The following MSRB3 variants were observed in gnomAD, a reference collection of about 807,000 sequenced individuals.
The protein encoded by MSRB3 is methionine sulfoxide reductase B3.
In MSRB3, 13 loss-of-function variants were observed where a neutral mutation model predicts 21.0. That is an observed-to-expected ratio of 0.62 (90% CI 0.40 to 0.98). MSRB3 has a LOEUF of 0.98. MSRB3 is among the 50% of genes least tolerant of loss of function. The pLI is 0.00. For missense variants in MSRB3, 199 were observed against 230.3 expected (o/e 0.86, Z 0.88); for synonymous variants, 87 against 88.6 (o/e 0.98, Z 0.10).
chr12:65,337,575 G>A (rs1425532951), intron 4 of MSRB3, among the ~76,000 whole-genome samples: 1 of 150,704 alleles, frequency 6.6e-6, no homozygotes, highest in Non-Finnish European at 1.5e-5. Context: ...TAACCCTACC[G>A]TATCGAAGGA....
intron 2 of MSRB3, chr12:65,316,052 C>T (rs188169031): frequency 6.6e-6 from 1 of 152,098 alleles, no homozygotes; most frequent in Non-Finnish European, 1.5e-5. Context: ...CAGCAAATTT[C>T]AGAGCTTCTC....
chr12:65,425,986 AGCT>A (rs1431752014), intron 5 of MSRB3, among the ~76,000 whole-genome samples: 1 of 152,072 alleles, frequency 6.6e-6, no homozygotes, highest in Non-Finnish European at 1.5e-5. Context: ...CCTCCTGAGT[AGCT>A]GGGACCACAG....
At chr12:65,331,083 C>A (rs536692904) in intron 4 of MSRB3, among the ~76,000 whole-genome samples, 1 of 152,142 alleles carries the variant, frequency 6.6e-6, no homozygotes. Context: ...AAGGTTTTGT[C>A]AAATCTACAT....
At chr12:65,442,443 A>AT (rs1011132600) in intron 5 of MSRB3, among the ~76,000 whole-genome samples, 1 of 152,008 alleles carries the variant, frequency 6.6e-6, no homozygotes, top group Non-Finnish European at 1.5e-5. Flanking sequence ...TCATTATTTC[A>AT]TTTTTAGTCT....
Position 65,278,864 on chromosome 12 carries a change from C to A in MSRB3, c.-53C>A. On this transcript the variant is annotated splice_region_variant and 5_prime_UTR_variant, in exon 1 of 7. Coordinates refer to ENST00000308259, the MANE Select transcript of MSRB3 (RefSeq NM_001031679.3). ...CCGCGGCTCTGGGAAGTGCGCAGTC[C>A]GGTAAGTTCGGGCTCCCCTCCCCTC... The A allele has an allele frequency of 6.4e-7, 1 of 1,556,310 alleles. No homozygotes were observed. The highest frequency in any genetic ancestry group is 2.4e-5 in the East Asian group (1 of 41,412).
At chr12:65,375,013 C>CTTTTTTTT in intron 5 of MSRB3, among the ~76,000 whole-genome samples, 1 of 140,354 alleles carries the variant, frequency 7.1e-6, no homozygotes, top group Non-Finnish European at 1.5e-5. Context: ...CCACGCCTGG[C>CTTTTTTTT]TTTTTTTTTT....
chr12:65,304,139 C>T (rs958333135), intron 1 of MSRB3, among the ~76,000 whole-genome samples: 1 of 152,100 alleles, frequency 6.6e-6, no homozygotes, highest in African/African-American at 2.4e-5. Flanking sequence ...ATTTCAGAGG[C>T]ACCAATTGAG....
At chr12:65,445,339 G>A (rs1251069066) in intron 5 of MSRB3, among the ~76,000 whole-genome samples, 1 of 150,912 alleles carries the variant, frequency 6.6e-6, no homozygotes, top group Non-Finnish European at 1.5e-5. Context: ...TCTGCTTTCA[G>A]AACCATTTTT....
chr12:65,347,207 C>A (rs1311411805), intron 4 of MSRB3, among the ~76,000 whole-genome samples: 2 of 152,158 alleles, frequency 1.3e-5, no homozygotes, highest in East Asian at 1.9e-4. Context: ...TTGATTCTTC[C>A]TACCCATGAG....
chr12:65,307,161 T>C, intron 1 of MSRB3: 1 of 426,950 alleles, frequency 2.3e-6, no homozygotes, highest in Non-Finnish European at 3.1e-6. Flanking sequence ...AAAGGAATGC[T>C]CTCTTTTCCC....
intron 6 of MSRB3, among the ~76,000 whole-genome samples, chr12:65,457,810 AAAG>A (rs1320362564): frequency 6.6e-6 from 1 of 151,832 alleles, no homozygotes; most frequent in Non-Finnish European, 1.5e-5. Flanking sequence ...ACACTTCTCA[AAAG>A]AAGACATTTA....
intron 1 of MSRB3, chr12:65,279,122 A>C: frequency 1.4e-5 from 19 of 1,342,902 alleles, no homozygotes; most frequent in Non-Finnish European, 1.7e-5. Context: ...TGGCAGCCTC[A>C]CTGACACCTT....
At chr12:65,458,039 C>T (rs1883168594) in intron 6 of MSRB3, among the ~76,000 whole-genome samples, 1 of 152,154 alleles carries the variant, frequency 6.6e-6, no homozygotes, top group African/African-American at 2.4e-5. Context: ...GTGTTGTAGA[C>T]ATTTTCAGTC....
chr12:65,441,020 G>T (rs1171130777), intron 5 of MSRB3, among the ~76,000 whole-genome samples: 1 of 151,718 alleles, frequency 6.6e-6, no homozygotes, highest in East Asian at 1.9e-4. Flanking sequence ...TTATGGGTAT[G>T]CTTGGACCTT....
chr12:65,383,674 T>C (rs1879060496), intron 5 of MSRB3, among the ~76,000 whole-genome samples: 1 of 151,812 alleles, frequency 6.6e-6, no homozygotes, highest in South Asian at 2.1e-4. Context: ...TTTTTTTTTT[T>C]TTTTGAGATG....
At chr12:65,334,266 A>G (rs1393786850) in intron 4 of MSRB3, among the ~76,000 whole-genome samples, 1 of 152,232 alleles carries the variant, frequency 6.6e-6, no homozygotes, top group African/African-American at 2.4e-5. Flanking sequence ...ACCATATGTC[A>G]GGCATGGTTC....
chr12:65,353,084 G>C (rs1329421770), intron 4 of MSRB3, among the ~76,000 whole-genome samples: 1 of 152,140 alleles, frequency 6.6e-6, no homozygotes, highest in East Asian at 1.9e-4. Context: ...ACTGTGTTCT[G>C]AGAGACAGTT....
chr12:65,410,990 G>A (rs1448070413), intron 5 of MSRB3, among the ~76,000 whole-genome samples: 3 of 151,928 alleles, frequency 2.0e-5, no homozygotes, highest in Non-Finnish European at 4.4e-5. Flanking sequence ...TTATGGGGTA[G>A]CGTATTTGAT....
At chr12:65,460,079 A>G (rs566894236) in intron 6 of MSRB3, among the ~76,000 whole-genome samples, 16 of 152,358 alleles carry the variant, frequency 1.1e-4, no homozygotes, top group African/African-American at 3.8e-4. Flanking sequence ...ATTAAAAACA[A>G]CATTCAAAAT....
Sources: allele counts gnomAD v4.1 joint callset (sites outside exome capture counted in the v4.1 genomes callset), GRCh38; gene constraint gnomAD v4.1.1; transcripts MANE v1.5; gene names NCBI Gene and HGNC (gene_info 2026-07-23, HGNC 2026-07-21).